ADAM12: variants seen among roughly 807,000 people sequenced by gnomAD.
ADAM12 encodes disintegrin and metalloproteinase domain-containing protein 12.
Under a neutral mutation model 106.4 loss-of-function variants are expected in ADAM12, and 70 were observed. The observed-to-expected ratio is 0.66, with a 90% CI of 0.54 to 0.80. The LOEUF is 0.80. Ranked by LOEUF, ADAM12 falls within the 30% of genes least tolerant of loss-of-function variation. The probability of loss-of-function intolerance (pLI) is 0.00; values close to 1 mark genes in which losing one functional copy is unlikely to be tolerated. For synonymous variants in ADAM12, 420 were observed against 433.5 expected (o/e 0.97, Z 0.39); for missense variants, 1,010 against 1,171.9 (o/e 0.86, Z 2.02).
chr10:126,252,894 G>T (rs1405350543), intron 3 of ADAM12, among the ~76,000 whole-genome samples: 1 of 152,114 alleles, frequency 6.6e-6, no homozygotes, highest in Non-Finnish European at 1.5e-5. Flanking sequence ...CTTAGCCCTG[G>T]CATACTGCCT....
intron 3 of ADAM12, among the ~76,000 whole-genome samples, chr10:126,233,136 T>C (rs1369045016): frequency 6.6e-6 from 1 of 151,668 alleles, no homozygotes; most frequent in East Asian, 1.9e-4. Context: ...AGTGAAGAGG[T>C]GGGAGTTCAA....
chr10:126,195,951 T>C (rs1306402763), intron 3 of ADAM12, among the ~76,000 whole-genome samples: 1 of 152,218 alleles, frequency 6.6e-6, no homozygotes, highest in Non-Finnish European at 1.5e-5. Context: ...TGGCCTAGAA[T>C]GCATCTAAGT....
chr10:126,020,280 T>C lies in ADAM12; in HGVS notation c.2530-455A>G, dbSNP rs139368413. Among the ~76,000 whole-genome samples, 395 of 152,356 alleles carry C rather than the reference T, an allele frequency of 2.6e-3. 1 individual carries two copies. Among genetic ancestry groups the C allele is most frequent in the African/African-American group, 9.1e-3 (378 of 41,590 alleles). On this transcript the variant is annotated intron_variant, in intron 21 of 22. Transcript: ENST00000448723. ...GATGAGACGGTGAGGATGGTTGTGC[T>C]CAGTCTGCCACGTGCAGGCGCTGTT... is the stretch of plus-strand genomic sequence containing the variant.
At chr10:126,112,009 G>A (rs902920383) in intron 6 of ADAM12, among the ~76,000 whole-genome samples, 3 of 152,176 alleles carry the variant, frequency 2.0e-5, no homozygotes, top group Non-Finnish European at 4.4e-5. Context: ...GCCCATCACT[G>A]ATAGACCGGA....
intron 5 of ADAM12, among the ~76,000 whole-genome samples, chr10:126,119,660 A>T (rs1956049502): frequency 1.3e-5 from 2 of 152,194 alleles, no homozygotes; most frequent in African/African-American, 4.8e-5. Context: ...GAAAGCATAG[A>T]TTCTTTTTAA....
chr10:126,382,106 C>A (rs1221687059), intron 1 of ADAM12, among the ~76,000 whole-genome samples: 2 of 152,066 alleles, frequency 1.3e-5, no homozygotes, highest in Non-Finnish European at 2.9e-5. Flanking sequence ...GAAAGGAGGG[C>A]AGCCATCAGA....
At chr10:126,313,214 A>C (rs1457147432) in intron 2 of ADAM12, among the ~76,000 whole-genome samples, 1 of 152,180 alleles carries the variant, frequency 6.6e-6, no homozygotes, top group African/African-American at 2.4e-5. Flanking sequence ...GTATCTCCAC[A>C]GGGCTGTTTA....
chr10:126,024,264 TGTA>T (rs2133379395), intron 21 of ADAM12, among the ~76,000 whole-genome samples: 1 of 152,328 alleles, frequency 6.6e-6, no homozygotes, highest in African/African-American at 2.4e-5. Context: ...GGGAGGCTAA[TGTA>T]GTGACTTTAA....
intron 2 of ADAM12, among the ~76,000 whole-genome samples, chr10:126,290,898 A>C (rs1026469867): frequency 6.6e-6 from 1 of 152,240 alleles, no homozygotes; most frequent in African/African-American, 2.4e-5. Flanking sequence ...TGTAAGATGC[A>C]GCACAAAATA....
rs200512312 is a variant in ADAM12 at position 126,155,310 on chromosome 10, G to C, written c.261-5C>G. 6.2e-7 allele frequency: 1 copy of C among 1,612,806 alleles called. No individual in the cohort carries two copies. Among genetic ancestry groups the C allele is most frequent in the Non-Finnish European group, 8.5e-7 (1 of 1,179,136 alleles). On this transcript the variant is annotated splice_polypyrimidine_tract_variant and splice_region_variant and intron_variant, in intron 3 of 22. Transcript: ENST00000448723. ...AAACTGCTGGCAATGAGACCTCTGC[G>C]GAAAAACAAAAACACCATAAAAAGA...
intron 21 of ADAM12, among the ~76,000 whole-genome samples, chr10:126,026,269 T>A (rs1953871421): frequency 6.6e-6 from 1 of 152,112 alleles, no homozygotes; most frequent in African/African-American, 2.4e-5. Context: ...GGTAAAGAGT[T>A]CAATAAGAAG....
At chr10:126,177,091 T>A (rs1440804312) in intron 3 of ADAM12, among the ~76,000 whole-genome samples, 2 of 151,970 alleles carry the variant, frequency 1.3e-5, no homozygotes, top group East Asian at 3.9e-4. Context: ...CATAATACAC[T>A]TGGTATTATT....
At chr10:126,172,550 G>A (rs996498837) in intron 3 of ADAM12, among the ~76,000 whole-genome samples, 1 of 152,142 alleles carries the variant, frequency 6.6e-6, no homozygotes, top group Non-Finnish European at 1.5e-5. Context: ...TCAAAACCAT[G>A]ATGAGATACC....
In ADAM12 at chr10:126,069,543, G is replaced by T. The variant is rs950519956; in HGVS notation, c.1323+1934C>A. On this transcript the variant is annotated intron_variant, in intron 12 of 22. Transcript: ENST00000448723. Reference sequence around the variant, plus strand: ...TGGCGAGACAGCACCCTGTCAAGCCGCATGACTCCTTCATGGAGAAAAGAG... The same window carrying T: ...TGGCGAGACAGCACCCTGTCAAGCCTCATGACTCCTTCATGGAGAAAAGAG... Among the ~76,000 whole-genome samples, 4 of 152,254 alleles carry T rather than the reference G, an allele frequency of 2.6e-5. No homozygotes were observed. In the East Asian group the frequency reaches 7.7e-4, roughly 29 times the overall value.
intron 5 of ADAM12, among the ~76,000 whole-genome samples, chr10:126,119,870 C>T (rs1366907133): frequency 6.6e-6 from 1 of 152,196 alleles, no homozygotes; most frequent in Non-Finnish European, 1.5e-5. Flanking sequence ...TTTCATTTCT[C>T]TCTTTGCTAA....
chr10:126,060,574 T>C (rs1357332674), intron 14 of ADAM12, among the ~76,000 whole-genome samples: 1 of 152,078 alleles, frequency 6.6e-6, no homozygotes, highest in Non-Finnish European at 1.5e-5. Flanking sequence ...GGTGGGGAAA[T>C]ACTGCAAATG....
chr10:126,104,433 G>C (rs1239371023), intron 8 of ADAM12, among the ~76,000 whole-genome samples: 1 of 143,486 alleles, frequency 7.0e-6, no homozygotes, highest in Non-Finnish European at 1.5e-5. Context: ...CTTGGGGATA[G>C]AGCAAGACTC....
At chr10:126,258,302 C>G (rs1193452902) in intron 3 of ADAM12, among the ~76,000 whole-genome samples, 1 of 152,214 alleles carries the variant, frequency 6.6e-6, no homozygotes, top group Non-Finnish European at 1.5e-5. Flanking sequence ...CTATCACTTT[C>G]ACCTGCATCT....
intron 5 of ADAM12, among the ~76,000 whole-genome samples, chr10:126,123,604 C>T (rs974453330): frequency 1.4e-4 from 21 of 152,166 alleles, no homozygotes; most frequent in South Asian, 4.1e-4. Context: ...GGCTGCGCTC[C>T]GTACACTGAT....
Sources: gnomAD v4.1 joint callset for allele counts (sites outside exome capture counted in the v4.1 genomes callset) on GRCh38, gnomAD v4.1.1 for gene constraint, MANE v1.5 for transcripts, NCBI Gene and HGNC (gene_info 2026-07-23, HGNC 2026-07-21) for gene names.